SCHIP1: variants seen among roughly 807,000 people sequenced by gnomAD.
SCHIP1 encodes schwannomin-interacting protein 1.
A neutral mutation model predicts 29.7 loss-of-function variants in SCHIP1; 8 were observed. The observed-to-expected ratio is 0.27, with a 90% CI of 0.16 to 0.49. The LOEUF (loss-of-function observed/expected upper bound fraction) is 0.49. SCHIP1 is among the 20% of genes least tolerant of loss of function. SCHIP1 has a pLI of 0.99. For synonymous variants in SCHIP1, 76 were observed against 94.9 expected, an observed-to-expected ratio of 0.80 and a Z score of 1.16; for missense variants, 193 against 294.6, an observed-to-expected ratio of 0.66 and a Z score of 2.52.
the SCHIP1 span, among the ~76,000 whole-genome samples, chr3:159,370,602 A>G: frequency 6.6e-6 from 1 of 152,198 alleles, no homozygotes; most frequent in Non-Finnish European, 1.5e-5. Flanking sequence ...TTTCTGAGTG[A>G]GTAGACTGAG....
chr3:159,431,094 T>A, the SCHIP1 span, among the ~76,000 whole-genome samples: 1 of 151,972 alleles, frequency 6.6e-6, no homozygotes, highest in Admixed American at 6.6e-5. Context: ...TTAAAGAGAA[T>A]TTGAGAAGTA....
chr3:159,275,480 G>T, the SCHIP1 span, among the ~76,000 whole-genome samples: 1 of 152,198 alleles, frequency 6.6e-6, no homozygotes, highest in South Asian at 2.1e-4. Context: ...CTGTGAAATG[G>T]TGTCAGATTT....
At chr3:159,288,673 G>A in the SCHIP1 span, among the ~76,000 whole-genome samples, 7 of 152,212 alleles carry the variant, frequency 4.6e-5, no homozygotes, top group African/African-American at 1.7e-4. Flanking sequence ...TGGAGGCAGA[G>A]GTTGCAGTGA....
At chr3:159,456,859 C>G in the SCHIP1 span, among the ~76,000 whole-genome samples, 1 of 151,994 alleles carries the variant, frequency 6.6e-6, no homozygotes, top group Non-Finnish European at 1.5e-5. Flanking sequence ...TAAAAATATG[C>G]AGAAAATTTT....
At chr3:159,403,822 C>T in the SCHIP1 span, among the ~76,000 whole-genome samples, 1 of 152,048 alleles carries the variant, frequency 6.6e-6, no homozygotes, top group Non-Finnish European at 1.5e-5. Flanking sequence ...GGTGGCACCA[C>T]CCCTCTCTCA....
the SCHIP1 span, among the ~76,000 whole-genome samples, chr3:159,572,067 CA>C: frequency 6.6e-6 from 1 of 152,062 alleles, no homozygotes; most frequent in Non-Finnish European, 1.5e-5. Context: ...TTGATCTTTT[CA>C]AAAAACCAGC....
the SCHIP1 span, among the ~76,000 whole-genome samples, chr3:159,542,057 ACTTT>A: frequency 6.6e-6 from 1 of 152,000 alleles, no homozygotes; most frequent in African/African-American, 2.4e-5. Context: ...ATTTAATTCT[ACTTT>A]CTTTGTATTT....
At chr3:159,512,739 A>T in the SCHIP1 span, among the ~76,000 whole-genome samples, 1 of 152,192 alleles carries the variant, frequency 6.6e-6, no homozygotes, top group African/African-American at 2.4e-5. Context: ...TTGAAACTGT[A>T]CAGTTAAGTT....
Position 159,888,813 on chromosome 3 carries a change from T to A in SCHIP1, c.466-7T>A, listed in dbSNP as rs371872533. 1 of 1,613,682 alleles carries A rather than the reference T, an allele frequency of 6.2e-7. No homozygotes were observed. Among genetic ancestry groups the A allele is most frequent in the Admixed American group, 1.7e-5 (1 of 59,976 alleles). On this transcript the variant is annotated splice_polypyrimidine_tract_variant and splice_region_variant and intron_variant, in intron 4 of 6. Transcript: ENST00000445224. ...ACTCCTCCATTTCTTCTCCTTTGTA[T>A]CTTCAGCTGCCACACATGCCTCATA...
intron 2 of SCHIP1, among the ~76,000 whole-genome samples, chr3:159,885,017 T>C (rs995542170): frequency 6.6e-6 from 1 of 152,222 alleles, no homozygotes; most frequent in Non-Finnish European, 1.5e-5. Context: ...ATAACAATTA[T>C]GGTTCCCGTG....
At chr3:159,668,376 CAA>C in the SCHIP1 span, among the ~76,000 whole-genome samples, 13 of 46,410 alleles carry the variant, frequency 2.8e-4, no homozygotes, top group African/African-American at 7.7e-4. Flanking sequence ...GACTCCGTCT[CAA>C]AAAAAAAAAA....
At chr3:159,446,242 G>T in the SCHIP1 span, among the ~76,000 whole-genome samples, 2 of 151,864 alleles carry the variant, frequency 1.3e-5, no homozygotes, top group African/African-American at 4.8e-5. Flanking sequence ...ACACACATAT[G>T]CCCACTAATA....
the SCHIP1 span, among the ~76,000 whole-genome samples, chr3:159,640,702 T>C: frequency 6.6e-6 from 1 of 152,136 alleles, no homozygotes; most frequent in Non-Finnish European, 1.5e-5. Context: ...CAATCAGATA[T>C]GCAGAGAGGC....
chr3:159,723,842 C>T, the SCHIP1 span, among the ~76,000 whole-genome samples: 1 of 152,210 alleles, frequency 6.6e-6, no homozygotes, highest in East Asian at 1.9e-4. Flanking sequence ...ACTTTGCAAC[C>T]TAATACTTAC....
chr3:159,279,711 C>T, the SCHIP1 span, among the ~76,000 whole-genome samples: 1 of 151,906 alleles, frequency 6.6e-6, no homozygotes, highest in African/African-American at 2.4e-5. Context: ...AGAACTTGAC[C>T]CTAGGTAATT....
chr3:159,373,418 T>TATCA, the SCHIP1 span, among the ~76,000 whole-genome samples: 6 of 152,050 alleles, frequency 3.9e-5, no homozygotes, highest in Admixed American at 6.6e-5. Context: ...CTTAAATATT[T>TATCA]ATCAATTTTG....
the SCHIP1 span, among the ~76,000 whole-genome samples, chr3:159,599,381 A>G: frequency 6.6e-6 from 1 of 152,130 alleles, no homozygotes; most frequent in African/African-American, 2.4e-5. Context: ...ACTGTACCCA[A>G]TGTGGTGGTG....
At chr3:159,773,256 T>G in the SCHIP1 span, among the ~76,000 whole-genome samples, 2 of 152,332 alleles carry the variant, frequency 1.3e-5, no homozygotes, top group South Asian at 2.1e-4. Flanking sequence ...GCACTAAACC[T>G]TTGTAGAAAT....
the SCHIP1 span, among the ~76,000 whole-genome samples, chr3:159,682,929 T>C: frequency 1.2e-3 from 190 of 152,338 alleles, no homozygotes; most frequent in African/African-American, 4.5e-3. Flanking sequence ...TATTCAGCTA[T>C]AAGAGTATTT....
Sources: allele counts gnomAD v4.1 joint callset (sites outside exome capture counted in the v4.1 genomes callset), GRCh38; gene constraint gnomAD v4.1.1; transcripts MANE v1.5; gene names NCBI Gene and HGNC (gene_info 2026-07-23, HGNC 2026-07-21).